Variants in SYTL3 observed in about 807,000 individuals in gnomAD.
SYTL3 encodes synaptotagmin like 3.
Under a neutral mutation model 82.1 loss-of-function variants are expected in SYTL3, and 88 were observed. The ratio of observed to expected loss-of-function variants is 1.07; its 90% CI spans 0.90 to 1.28. SYTL3 has a LOEUF of 1.28. SYTL3 is among the 50% of genes most tolerant of loss of function. The pLI, the probability that SYTL3 is intolerant of heterozygous loss-of-function variation, is 0.00. For missense variants in SYTL3, 831 were observed against 757.6 expected, an observed-to-expected ratio of 1.10 and a Z score of -1.14; for synonymous variants, 311 against 289.4, an observed-to-expected ratio of 1.07 and a Z score of -0.76.
chr6:158,694,382 G>A (rs1208185331), intron 6 of SYTL3, among the ~76,000 whole-genome samples: 3 of 151,500 alleles, frequency 2.0e-5, no homozygotes, highest in Admixed American at 6.6e-5. Flanking sequence ...TGCAACCTCC[G>A]CCTCCTAGGA....
In SYTL3 at chr6:158,764,673, C is replaced by A; in HGVS notation, c.*69C>A. ...TGTGCGTCTGCAGAGGGGCTACGAACCAGGTGCAGGGTCCCAGCTGGAGAC... is the reference window on the plus strand; with the variant it reads ...TGTGCGTCTGCAGAGGGGCTACGAAACAGGTGCAGGGTCCCAGCTGGAGAC... On this transcript the variant is annotated 3_prime_UTR_variant, in exon 18 of 18. Transcript: ENST00000611299. The A allele has an allele frequency of 8.6e-7, 1 of 1,159,330 alleles. No homozygotes were observed. Among genetic ancestry groups the A allele is most frequent in the Non-Finnish European group, 1.3e-6 (1 of 770,116 alleles). 71.8% of individuals were successfully genotyped at this position (1,159,330 alleles called of 1,614,324 possible). A position where few individuals can be genotyped will look rare whatever the true frequency, so the allele number is the denominator to read the frequency against.
intron 5 of SYTL3, among the ~76,000 whole-genome samples, chr6:158,674,610 C>T (rs1388067056): frequency 6.6e-6 from 1 of 152,172 alleles, no homozygotes; most frequent in Non-Finnish European, 1.5e-5. Context: ...GGTGGATCCC[C>T]CTTCTTAGGT....
upstream of SYTL3, among the ~76,000 whole-genome samples, chr6:158,646,159 T>C (rs1787439814): frequency 6.7e-6 from 1 of 150,348 alleles, no homozygotes; most frequent in Non-Finnish European, 1.5e-5. Context: ...CAGGGTGTCA[T>C]TCTGTTGCCC....
At chr6:158,693,855 C>CTTTTTTTTTTT (rs575358067) in intron 6 of SYTL3, among the ~76,000 whole-genome samples, 4 of 96,856 alleles carry the variant, frequency 4.1e-5, no homozygotes, top group African/African-American at 2.1e-4. Context: ...TTTTTCTTTT[C>CTTTTTTTTTTT]TTTTTTTTTT....
chr6:158,647,737 C>T (rs1234801503), upstream of SYTL3, among the ~76,000 whole-genome samples: 1 of 152,256 alleles, frequency 6.6e-6, no homozygotes, highest in Non-Finnish European at 1.5e-5. Context: ...CGTAACTGCT[C>T]ATGAATCTTT....
At chr6:158,730,829 G>T (rs1785306999) in intron 11 of SYTL3, among the ~76,000 whole-genome samples, 1 of 152,208 alleles carries the variant, frequency 6.6e-6, no homozygotes, top group Admixed American at 6.5e-5. Flanking sequence ...AACCGCAGGG[G>T]CGGTAAAGCA....
chr6:158,725,771 A>T, intron 11 of SYTL3, 134 bp downstream of exon 11: 3 of 1,206,418 alleles, frequency 2.5e-6, no homozygotes, highest in Non-Finnish European at 3.5e-6. Context: ...GCATTTTATT[A>T]TCCATCCTTC....
intron 5 of SYTL3, among the ~76,000 whole-genome samples, chr6:158,668,421 G>A (rs912810101): frequency 9.9e-5 from 15 of 152,174 alleles, no homozygotes; most frequent in African/African-American, 3.6e-4. Flanking sequence ...CAGAGACGGG[G>A]TTTCACCATG....
At chr6:158,713,606 C>A (rs560444378) in intron 8 of SYTL3, among the ~76,000 whole-genome samples, 194 bp from the exon 9 acceptor site, 4 of 152,174 alleles carry the variant, frequency 2.6e-5, no homozygotes, top group Non-Finnish European at 5.9e-5. Flanking sequence ...AGATGCCTAC[C>A]CCTCAGGAAG....
At chr6:158,740,113 C>T (rs1340022481) in intron 11 of SYTL3, among the ~76,000 whole-genome samples, 1 of 150,332 alleles carries the variant, frequency 6.7e-6, no homozygotes, top group Non-Finnish European at 1.5e-5. Context: ...TCTCCTGCCT[C>T]ATTCTCCTGA....
intron 11 of SYTL3, among the ~76,000 whole-genome samples, chr6:158,729,470 T>A (rs1262943699): frequency 6.6e-6 from 1 of 152,252 alleles, no homozygotes; most frequent in African/African-American, 2.4e-5. Context: ...CTTCATACTA[T>A]CACATTGGCA....
chr6:158,652,187 CAA>C, intron 2 of SYTL3, among the ~76,000 whole-genome samples: 1 of 151,962 alleles, frequency 6.6e-6, no homozygotes, highest in Non-Finnish European at 1.5e-5. Context: ...CTCGGCCTCC[CAA>C]AGTGTTGGGA....
At chr6:158,749,507 C>CTTTTTTTTTTTTTTTTT (rs765386344) in intron 12 of SYTL3, among the ~76,000 whole-genome samples, 1 of 66,024 alleles carries the variant, frequency 1.5e-5, no homozygotes, top group Non-Finnish European at 2.8e-5. Context: ...TTCTTTCTCT[C>CTTTTTTTTTTTTTTTTT]TTTTTTTTTT....
intron 4 of SYTL3, 81 bp from the exon 5 acceptor site, chr6:158,665,314 G>T (rs1301394706): frequency 2.7e-5 from 37 of 1,353,104 alleles, no homozygotes; most frequent in African/African-American, 4.4e-5. Flanking sequence ...TGCCATGGGG[G>T]TTACTGCCTG....
intron 2 of SYTL3, among the ~76,000 whole-genome samples, chr6:158,657,446 A>AAAT (rs1788821367): frequency 6.8e-6 from 1 of 147,434 alleles, no homozygotes; most frequent in Non-Finnish European, 1.5e-5. Context: ...AAAAAAAAAA[A>AAAT]GAGAGAAAAA....
rs1203310161 is a variant in SYTL3 at position 158,684,868 on chromosome 6, A to AG, written c.394+1879_394+1880insG. 1.8e-3 allele frequency among the ~76,000 whole-genome samples: 280 copies of AG among 151,534 alleles called. 4 individuals are homozygous for AG. Among genetic ancestry groups the AG allele is most frequent in the Admixed American group, 0.018 (279 of 15,236 alleles). On this transcript the variant is annotated intron_variant, in intron 6 of 17. Coordinates refer to ENST00000611299, the MANE Select transcript of SYTL3 (RefSeq NM_001242394.2). ...GTTTATTGGAAACCTGGAGGAAAAA[A>AG]CTAATACTAAGGGTCATGTCAGGCA...
rs568979054 is a variant in SYTL3 at position 158,694,705 on chromosome 6, A to G, written c.394+11716A>G. 2.0e-5 allele frequency among the ~76,000 whole-genome samples: 3 copies of G among 152,318 alleles called. No homozygotes were observed. The East Asian group carries it at 5.8e-4, about 29-fold the overall frequency. On this transcript the variant is annotated intron_variant, in intron 6 of 17. Transcript: ENST00000611299. ...CACTTTGAATACATGAATTTAACCT[A>G]GACATTTTTTGTATCTCAAGTATCT...
rs1326843458 is a variant in SYTL3, at chr6:158,753,930, TA to T, written c.1137+1902del. Among the ~76,000 whole-genome samples the T allele has an allele frequency of 1.8e-4, 27 of 151,834 alleles. 1 individual carries two copies. Among genetic ancestry groups the T allele is most frequent in the East Asian group, 1.7e-3 (9 of 5,170 alleles). On this transcript the variant is annotated intron_variant, in intron 13 of 17. Transcript: ENST00000611299. ...TCTCTAATTGATCCTAAATGCAAAA[TA>T]ACCCAACACCGGCCAGCCTCATCCT...
chr6:158,686,469 A>AG (rs1779304014), intron 6 of SYTL3, among the ~76,000 whole-genome samples: 1 of 152,162 alleles, frequency 6.6e-6, no homozygotes, highest in South Asian at 2.1e-4. Context: ...GGAAAATGCC[A>AG]GGTTAGGAGC....
Sources: allele counts gnomAD v4.1 joint callset (sites outside exome capture counted in the v4.1 genomes callset), GRCh38; gene constraint gnomAD v4.1.1; transcripts MANE v1.5; gene names NCBI Gene and HGNC (gene_info 2026-07-23, HGNC 2026-07-21).